LRFN5: variants seen among roughly 807,000 people sequenced by gnomAD.
The protein encoded by LRFN5 is leucine-rich repeat and fibronectin type-III domain-containing protein 5.
In LRFN5, 24 loss-of-function variants were observed where a neutral mutation model predicts 45.6. That is an observed-to-expected ratio of 0.53 (90% confidence interval 0.38 to 0.74). LRFN5 has a LOEUF of 0.74. LRFN5 is among the 30% of genes least tolerant of loss of function. The pLI is 0.00. For synonymous variants in LRFN5, 340 were observed against 313.8 expected (o/e 1.08, Z -0.88); for missense variants, 776 against 861.5 (o/e 0.90, Z 1.24).
intron 2 of LRFN5, among the ~76,000 whole-genome samples, chr14:41,843,398 T>A (rs1344737405): frequency 2.0e-5 from 3 of 152,180 alleles, no homozygotes; most frequent in African/African-American, 7.2e-5. Context: ...CTTAATGATA[T>A]CCTTCATAAG....
intron 2 of LRFN5, among the ~76,000 whole-genome samples, chr14:41,877,119 T>G (rs1320673888): frequency 6.6e-6 from 1 of 152,190 alleles, no homozygotes; most frequent in Non-Finnish European, 1.5e-5. Context: ...TGTCTCTCTC[T>G]CTCTTAAAAC....
chr14:41,806,822 G>A (rs1183537504), intron 2 of LRFN5, among the ~76,000 whole-genome samples: 7 of 152,256 alleles, frequency 4.6e-5, no homozygotes, highest in Non-Finnish European at 8.8e-5. Context: ...TGATGAAGAC[G>A]TCTCATCAGC....
chr14:41,821,726 A>G (rs946545590), intron 2 of LRFN5, among the ~76,000 whole-genome samples: 47 of 140,082 alleles, frequency 3.4e-4, no homozygotes, highest in African/African-American at 1.1e-3. Context: ...TTGTACATCT[A>G]TAGAAATTGG....
At chr14:41,623,972 A>G (rs773337741) in intron 1 of LRFN5, among the ~76,000 whole-genome samples, 1 of 152,110 alleles carries the variant, frequency 6.6e-6, no homozygotes, top group Non-Finnish European at 1.5e-5. Flanking sequence ...GTGGTTAACT[A>G]ATGTTCCTGT....
At chr14:41,875,906 CA>C (rs1423260568) in intron 2 of LRFN5, among the ~76,000 whole-genome samples, 1 of 152,102 alleles carries the variant, frequency 6.6e-6, no homozygotes, top group Admixed American at 6.5e-5. Flanking sequence ...ATCAGGTTCC[CA>C]CTATAGGCCA....
intron 1 of LRFN5, among the ~76,000 whole-genome samples, chr14:41,711,360 A>G (rs976533388): frequency 6.6e-6 from 1 of 152,190 alleles, no homozygotes; most frequent in African/African-American, 2.4e-5. Context: ...GGTGCAGAGG[A>G]CAGGGTACAA....
intron 1 of LRFN5, among the ~76,000 whole-genome samples, chr14:41,709,741 T>C (rs1262768915): frequency 5.3e-5 from 8 of 152,000 alleles, no homozygotes; most frequent in Admixed American, 3.9e-4. Flanking sequence ...AATAGCATAA[T>C]AGGAAATATA....
intron 2 of LRFN5, among the ~76,000 whole-genome samples, chr14:41,852,868 T>C (rs920183719): frequency 6.6e-6 from 1 of 152,048 alleles, no homozygotes; most frequent in Non-Finnish European, 1.5e-5. Flanking sequence ...TGCCTGATCT[T>C]ATACCTTGTC....
At chr14:41,754,403 T>C (rs1446021210) in intron 1 of LRFN5, among the ~76,000 whole-genome samples, 1 of 152,192 alleles carries the variant, frequency 6.6e-6, no homozygotes, top group Admixed American at 6.5e-5. Flanking sequence ...CTGGACTTTT[T>C]TTTGGTTCGT....
intron 2 of LRFN5, among the ~76,000 whole-genome samples, chr14:41,862,388 T>G (rs1889695526): frequency 6.6e-6 from 1 of 152,224 alleles, no homozygotes; most frequent in South Asian, 2.1e-4. Context: ...TTCATTTGTA[T>G]TTTTGTATAT....
intron 1 of LRFN5, among the ~76,000 whole-genome samples, chr14:41,739,974 A>T (rs1164450315): frequency 2.0e-5 from 3 of 152,112 alleles, no homozygotes; most frequent in Non-Finnish European, 2.9e-5. Context: ...AGAAACATGT[A>T]ATGTACCATG....
At chr14:41,716,251 G>T (rs1273293862) in intron 1 of LRFN5, among the ~76,000 whole-genome samples, 2 of 152,136 alleles carry the variant, frequency 1.3e-5, no homozygotes, top group Non-Finnish European at 2.9e-5. Context: ...TTTTTCCATT[G>T]TCTTGGGGAT....
At chr14:41,622,887 A>G in intron 1 of LRFN5, among the ~76,000 whole-genome samples, 1 of 152,144 alleles carries the variant, frequency 6.6e-6, no homozygotes, top group South Asian at 2.1e-4. Context: ...ATAAATCCAT[A>G]TTTACTTATC....
At chr14:41,773,393 T>C (rs58566785) in intron 2 of LRFN5, among the ~76,000 whole-genome samples, 7 of 152,228 alleles carry the variant, frequency 4.6e-5, no homozygotes, top group African/African-American at 1.7e-4. Flanking sequence ...TATTTCATTA[T>C]ATTTTTATGT....
intron 1 of LRFN5, among the ~76,000 whole-genome samples, chr14:41,661,623 A>G (rs903452238): frequency 6.6e-6 from 1 of 152,070 alleles, no homozygotes; most frequent in Non-Finnish European, 1.5e-5. Flanking sequence ...AAGCCCGCTG[A>G]TTAGCAGTGG....
At chr14:41,804,205 G>T (rs2138975291) in intron 2 of LRFN5, among the ~76,000 whole-genome samples, 1 of 149,576 alleles carries the variant, frequency 6.7e-6, no homozygotes, top group Middle Eastern at 3.4e-3. Flanking sequence ...AAAATTTGGA[G>T]ACTAGAGTTT....
chr14:41,738,904 A>C (rs562094006), intron 1 of LRFN5, among the ~76,000 whole-genome samples: 1 of 152,342 alleles, frequency 6.6e-6, no homozygotes, highest in South Asian at 2.1e-4. Flanking sequence ...ACAACAAATG[A>C]ATCTAACAGG....
At chr14:41,798,139 A>T (rs1433561882) in intron 2 of LRFN5, among the ~76,000 whole-genome samples, 5 of 151,888 alleles carry the variant, frequency 3.3e-5, no homozygotes, top group Admixed American at 3.3e-4. Flanking sequence ...TTGTTAGATC[A>T]TGGAATCAAC....
chr14:41,826,848 TAATAAGTAATTATTTTGATTCACAA>T (rs1287026459), intron 2 of LRFN5, among the ~76,000 whole-genome samples: 31 of 51,820 alleles, frequency 6.0e-4, no homozygotes, highest in South Asian at 9.7e-4. Context: ...AATGTTGTTT[TAATAAGTAATTATTTTGATTCACAA>T]AATAAGTAAT....
Sources: allele counts gnomAD v4.1 joint callset (sites outside exome capture counted in the v4.1 genomes callset), GRCh38; gene constraint gnomAD v4.1.1; transcripts MANE v1.5; gene names NCBI Gene and HGNC (gene_info 2026-07-23, HGNC 2026-07-21).